MRPL34: variants seen among roughly 807,000 people sequenced by gnomAD.
MRPL34 encodes mitochondrial ribosomal protein L34.
MRPL34 carries 8 observed loss-of-function variants against 6.7 expected under a neutral mutation model. The observed-to-expected ratio is 1.20, with a 90% CI of 0.70 to 2.16. The LOEUF is 2.16. Among genes scored for constraint, MRPL34 ranks in the 30% most tolerant of loss-of-function variants. MRPL34 has a pLI of 0.00. For missense variants in MRPL34, 146 were observed against 125.5 expected (o/e 1.16, Z -0.78); for synonymous variants, 59 against 55.1 (o/e 1.07, Z -0.31).
upstream of MRPL34, among the ~76,000 whole-genome samples, chr19:17,300,328 T>A (rs2074111725): frequency 6.6e-6 from 1 of 150,516 alleles, no homozygotes; most frequent in Non-Finnish European, 1.5e-5. Flanking sequence ...CCTCAGCCCT[T>A]AAGTAGGTGG....
At chr19:17,295,268 G>A (rs1253150389) in intron 1 of MRPL34, among the ~76,000 whole-genome samples, 1 of 151,870 alleles carries the variant, frequency 6.6e-6, no homozygotes, top group African/African-American at 2.4e-5. Context: ...ACCGCGCCCG[G>A]CTAATTTTTT....
At chr19:17,301,091 C>T (rs755933630), upstream of MRPL34, 4 of 1,613,370 alleles carry the variant, frequency 2.5e-6, no homozygotes, top group African/African-American at 1.3e-5. Flanking sequence ...AAGAGCACCA[C>T]GTCGGCCTGG....
At chr19:17,298,262 G>A (rs941205934), upstream of MRPL34, 3 of 152,020 alleles carry the variant, frequency 2.0e-5, no homozygotes, top group African/African-American at 7.2e-5. Flanking sequence ...CTAAAACAGT[G>A]GTGCTCAACT....
At chr19:17,292,916 T>A (rs2074077521) in intron 1 of MRPL34, 1 of 1,438,704 alleles carries the variant, frequency 7.0e-7, no homozygotes, top group Non-Finnish European at 9.4e-7. Context: ...CATACACACA[T>A]GGCCCACAGC....
intron 1 of MRPL34, chr19:17,294,581 G>C: frequency 6.2e-7 from 1 of 1,608,874 alleles, no homozygotes; most frequent in Non-Finnish European, 8.5e-7. Context: ...GCCAGCCCTA[G>C]TCCCAGCGGT....
upstream of MRPL34, chr19:17,301,022 C>A: frequency 6.2e-7 from 1 of 1,613,514 alleles, no homozygotes; most frequent in African/African-American, 1.3e-5. Flanking sequence ...CCTAGGCGCA[C>A]AAAGAAGTCC....
At position 17,306,486 on chromosome 19, in the gene MRPL34, T is replaced by C; in HGVS notation, c.*107T>C. 1 of 1,005,852 alleles carries C rather than the reference T, an allele frequency of 9.9e-7. No individual in the cohort carries two copies. Among genetic ancestry groups the C allele is most frequent in the Non-Finnish European group, 1.4e-6 (1 of 702,512 alleles). 62.3% of individuals were successfully genotyped at this position (1,005,852 alleles called of 1,614,324 possible). A position where few individuals can be genotyped will look rare whatever the true frequency, so the allele number is the denominator to read the frequency against. On this transcript the variant is annotated 3_prime_UTR_variant, in exon 2 of 2. Transcript: ENST00000252602. ...CTGGGGAGCAGGAACGCCTCGGACC[T>C]GAGTGCTCTCCATATTGTGGGGTTG...
At chr19:17,298,639 G>A (rs2074103429), upstream of MRPL34, among the ~76,000 whole-genome samples, 1 of 151,776 alleles carries the variant, frequency 6.6e-6, no homozygotes, top group Admixed American at 6.6e-5. Flanking sequence ...TGCATCCAGT[G>A]GGCAGAAGCC....
At chr19:17,299,900 GC>G (rs200754881), upstream of MRPL34, among the ~76,000 whole-genome samples, 1,877 of 141,510 alleles carry the variant, frequency 0.013, 32 homozygotes, top group African/African-American at 0.045. Flanking sequence ...GCGCGTGGTG[GC>G]CCCTTTTTTT....
upstream of MRPL34, among the ~76,000 whole-genome samples, chr19:17,299,242 C>CA (rs796827763): frequency 2.0e-5 from 3 of 146,950 alleles, no homozygotes; most frequent in East Asian, 2.0e-4. Flanking sequence ...AGACCCCCCC[C>CA]CCATTCTCTA....
chr19:17,299,243 C>CCCA (rs1555720805), upstream of MRPL34, among the ~76,000 whole-genome samples: 1 of 148,644 alleles, frequency 6.7e-6, no homozygotes, highest in Non-Finnish European at 1.5e-5. Context: ...GACCCCCCCC[C>CCCA]CATTCTCTAT....
At chr19:17,299,046 C>A (rs1051430746), upstream of MRPL34, among the ~76,000 whole-genome samples, 2 of 152,136 alleles carry the variant, frequency 1.3e-5, no homozygotes, top group African/African-American at 2.4e-5. Flanking sequence ...CTGGCCTGAG[C>A]AACACTGCTT....
chr19:17,301,047 G>T, upstream of MRPL34: 1 of 1,613,506 alleles, frequency 6.2e-7, no homozygotes, highest in Non-Finnish European at 8.5e-7. Flanking sequence ...GCTCCTTCCA[G>T]ATGGCCAGGG....
chr19:17,301,569 C>A, upstream of MRPL34: 6 of 1,595,166 alleles, frequency 3.8e-6, no homozygotes, highest in Non-Finnish European at 3.4e-6. Context: ...CGTTGGGGGG[C>A]GTGCCCAGCA....
Position 17,306,225 on chromosome 19 carries a change from A to G in MRPL34, c.125A>G (p.Gln42Arg), listed in dbSNP as rs1429505034. 3 of 1,568,060 alleles carry G rather than the reference A, an allele frequency of 1.9e-6. No individual in the cohort carries two copies. The highest frequency in any genetic ancestry group is 3.8e-5 in the Admixed American group (2 of 52,942). Residue 42 changes from glutamine to arginine, a missense_variant, in exon 2 of 2, where the codon CAG (glutamine) becomes CGG (arginine). Transcript: ENST00000252602. ...FPDAWGLPTPQQARGKARGNE... is the reference protein window; with the variant it reads ...FPDAWGLPTPRQARGKARGNE... The stretch of plus-strand genomic sequence containing the variant: ...GACGCCTGGGGCCTCCCCACCCCGC[A>G]GCAGGCCCGGGGCAAGGCTCGCGGG...
At chr19:17,300,196 G>A (rs994476190), upstream of MRPL34, among the ~76,000 whole-genome samples, 1 of 151,776 alleles carries the variant, frequency 6.6e-6, no homozygotes, top group Non-Finnish European at 1.5e-5. Context: ...GAGCCACCGC[G>A]CCCGGATTTT....
At chr19:17,304,968 A>G (rs915493581), upstream of MRPL34, among the ~76,000 whole-genome samples, 1 of 152,068 alleles carries the variant, frequency 6.6e-6, no homozygotes, top group Non-Finnish European at 1.5e-5. Flanking sequence ...TCCTGGCCCC[A>G]AGGGATCCTC....
At chr19:17,301,511 C>G (rs2074118628), upstream of MRPL34, 1 of 1,611,550 alleles carries the variant, frequency 6.2e-7, no homozygotes, top group Non-Finnish European at 8.5e-7. Flanking sequence ...TTGACCTCTA[C>G]AAAGGTGTAG....
intron 1 of MRPL34, among the ~76,000 whole-genome samples, chr19:17,294,060 G>A (rs1009127478): frequency 2.0e-5 from 3 of 152,044 alleles, no homozygotes; most frequent in African/African-American, 7.2e-5. Context: ...ACCTGTCCAG[G>A]GCAGCCCTGC....
Sources: gnomAD v4.1 joint callset for allele counts (sites outside exome capture counted in the v4.1 genomes callset) on GRCh38, gnomAD v4.1.1 for gene constraint, MANE v1.5 for transcripts, NCBI Gene and HGNC (gene_info 2026-07-23, HGNC 2026-07-21) for gene names.